The following ASIC2 variants were observed in gnomAD, a reference collection of about 807,000 sequenced individuals.
The protein encoded by ASIC2 is acid-sensing ion channel 2.
Under a neutral mutation model 57.3 loss-of-function variants are expected in ASIC2, and 25 were observed. The observed-to-expected ratio is 0.44, with a 90% CI of 0.32 to 0.61. ASIC2 has a LOEUF of 0.61. Among genes scored for constraint, ASIC2 ranks in the 20% least tolerant of loss-of-function variants. ASIC2 has a pLI of 0.06. For synonymous variants in ASIC2, 319 were observed against 307.5 expected, an observed-to-expected ratio of 1.04 and a Z score of -0.39; for missense variants, 641 against 738.1, an observed-to-expected ratio of 0.87 and a Z score of 1.52.
chr17:33,770,478 G>T (rs911848687), intron 1 of ASIC2, among the ~76,000 whole-genome samples: 1 of 152,180 alleles, frequency 6.6e-6, no homozygotes, highest in Non-Finnish European at 1.5e-5. Context: ...TGCCACGACT[G>T]CTATTTGACA....
chr17:33,806,412 C>A (rs1323856121), intron 1 of ASIC2, among the ~76,000 whole-genome samples: 1 of 152,198 alleles, frequency 6.6e-6, no homozygotes, highest in African/African-American at 2.4e-5. Flanking sequence ...TATTAACTAA[C>A]AAGCCATGCA....
At chr17:33,541,582 T>C (rs1031371793) in intron 1 of ASIC2, among the ~76,000 whole-genome samples, 3 of 152,168 alleles carry the variant, frequency 2.0e-5, no homozygotes, top group Non-Finnish European at 2.9e-5. Context: ...ACTCAGGCCA[T>C]TGTTGCAAAG....
At chr17:34,045,351 C>T (rs1908296869) in intron 1 of ASIC2, among the ~76,000 whole-genome samples, 1 of 152,308 alleles carries the variant, frequency 6.6e-6, no homozygotes, top group African/African-American at 2.4e-5. Flanking sequence ...ACAGTAGCTA[C>T]TTCTACACGA....
intron 1 of ASIC2, among the ~76,000 whole-genome samples, chr17:34,015,234 T>C (rs138232885): frequency 1.9e-3 from 285 of 152,214 alleles, no homozygotes; most frequent in African/African-American, 6.6e-3. Flanking sequence ...TCTTTAAGTC[T>C]GGGGCTACAA....
At position 33,725,480 on chromosome 17, in the gene ASIC2, A is replaced by G. The variant is rs533108234; in HGVS notation, c.555+430498T>C. 8.5e-5 allele frequency among the ~76,000 whole-genome samples: 13 copies of G among 152,126 alleles called. No homozygotes were observed. In the East Asian group the frequency reaches 2.5e-3, roughly 29 times the overall value. On this transcript the variant is annotated intron_variant, in intron 1 of 9. Transcript: ENST00000359872. ...GGGCCTGATTGTCCGTCCCAGCTCTATTACTTGGTTAAGTATGGTCTTTCA... is the reference window on the plus strand; with the variant it reads ...GGGCCTGATTGTCCGTCCCAGCTCTGTTACTTGGTTAAGTATGGTCTTTCA...
chr17:33,702,570 G>C (rs758232225), intron 1 of ASIC2, among the ~76,000 whole-genome samples: 1 of 152,118 alleles, frequency 6.6e-6, no homozygotes, highest in Non-Finnish European at 1.5e-5. Context: ...AGGAAAAAAG[G>C]CCTTGCCCCG....
intron 1 of ASIC2, among the ~76,000 whole-genome samples, chr17:33,587,263 C>T (rs577413542): frequency 6.6e-6 from 1 of 152,322 alleles, no homozygotes; most frequent in East Asian, 1.9e-4. Context: ...TGACCCTTGG[C>T]TTAAACCATA....
At chr17:33,963,806 T>G (rs907126098) in intron 1 of ASIC2, among the ~76,000 whole-genome samples, 2 of 152,184 alleles carry the variant, frequency 1.3e-5, no homozygotes, top group African/African-American at 4.8e-5. Context: ...GGTGACTGAC[T>G]TTCAGGAAAA....
chr17:33,223,885 C>G (rs374727032), intron 1 of ASIC2, among the ~76,000 whole-genome samples: 7 of 152,292 alleles, frequency 4.6e-5, no homozygotes, highest in African/African-American at 1.7e-4. Flanking sequence ...GACCTAGACT[C>G]TGTCTTAGAG....
chr17:33,654,451 C>T (rs1479676301), intron 1 of ASIC2, among the ~76,000 whole-genome samples: 1 of 152,202 alleles, frequency 6.6e-6, no homozygotes, highest in Non-Finnish European at 1.5e-5. Context: ...AATCAATAAC[C>T]TACTCCTGAT....
At chr17:33,505,509 C>A (rs11656367) in intron 1 of ASIC2, among the ~76,000 whole-genome samples, 13,454 of 152,258 alleles carry the variant, frequency 0.088, 718 homozygotes, top group Middle Eastern at 0.15. Flanking sequence ...CAATCCCTCC[C>A]GCTGTATAAC....
intron 1 of ASIC2, among the ~76,000 whole-genome samples, chr17:33,754,665 A>G (rs988256892): frequency 7.2e-5 from 11 of 152,212 alleles, no homozygotes; most frequent in African/African-American, 2.7e-4. Context: ...GTTAAAGAAC[A>G]GTTCCCTATA....
rs1287166021 is a variant in ASIC2, at chr17:33,872,447, C to T, written c.555+283531G>A. Among the ~76,000 whole-genome samples, 3 of 152,260 alleles carry T rather than the reference C, an allele frequency of 2.0e-5. No homozygotes were observed. In the East Asian group the frequency reaches 5.8e-4, roughly 29 times the overall value. On this transcript the variant is annotated intron_variant, in intron 1 of 9. Transcript: ENST00000359872. ...GTGGTTTCTGAGGACTGTTATGAGC[C>T]AGGTATTCCTTCAGATTCTAGTGAT... is the stretch of plus-strand genomic sequence containing the variant.
At chr17:33,431,788 AACCC>A in intron 1 of ASIC2, among the ~76,000 whole-genome samples, 1 of 152,160 alleles carries the variant, frequency 6.6e-6, no homozygotes, top group African/African-American at 2.4e-5. Flanking sequence ...TTGAGGGCAA[AACCC>A]ACACAAAATC....
chr17:33,797,510 C>A (rs181928459), intron 1 of ASIC2, among the ~76,000 whole-genome samples: 59 of 152,220 alleles, frequency 3.9e-4, no homozygotes, highest in African/African-American at 1.4e-3. Flanking sequence ...TTGTTGTTGT[C>A]ATTACTTTAG....
At chr17:33,715,877 A>G (rs1047905959) in intron 1 of ASIC2, among the ~76,000 whole-genome samples, 1 of 152,206 alleles carries the variant, frequency 6.6e-6, no homozygotes, top group Non-Finnish European at 1.5e-5. Context: ...ATGTAGATAC[A>G]GAGAGAAAGT....
At chr17:34,059,563 C>A (rs1908893771) in intron 1 of ASIC2, among the ~76,000 whole-genome samples, 1 of 152,190 alleles carries the variant, frequency 6.6e-6, no homozygotes, top group Non-Finnish European at 1.5e-5. Context: ...AAGCCCTTTT[C>A]TTTTGCAGCT....
intron 3 of ASIC2, among the ~76,000 whole-genome samples, chr17:33,029,443 T>G (rs2091872144): frequency 6.6e-6 from 1 of 152,262 alleles, no homozygotes; most frequent in Admixed American, 6.5e-5. Flanking sequence ...TCTACATGGT[T>G]GTTTGCACCA....
At chr17:33,426,781 T>G (rs1911234672) in intron 1 of ASIC2, among the ~76,000 whole-genome samples, 1 of 152,214 alleles carries the variant, frequency 6.6e-6, no homozygotes, top group Non-Finnish European at 1.5e-5. Context: ...CTCATGGAGC[T>G]TCTAGTCTAG....
Sources: allele counts gnomAD v4.1 joint callset (sites outside exome capture counted in the v4.1 genomes callset), GRCh38; gene constraint gnomAD v4.1.1; transcripts MANE v1.5; gene names NCBI Gene and HGNC (gene_info 2026-07-23, HGNC 2026-07-21).